SPATA22: variants seen among roughly 807,000 people sequenced by gnomAD.
SPATA22 encodes spermatogenesis associated 22, also known as spermatogenesis-associated protein 22.
Under a neutral mutation model 47.8 loss-of-function variants are expected in SPATA22, and 29 were observed. The observed-to-expected ratio is 0.61, with a 90% CI of 0.45 to 0.83. The LOEUF (loss-of-function observed/expected upper bound fraction) is 0.83, where lower values mean the gene tolerates loss of function less well. Ranked by LOEUF, SPATA22 falls within the 40% of genes least tolerant of loss-of-function variation. The pLI, the probability that SPATA22 is intolerant of heterozygous loss-of-function variation, is 0.00. For synonymous variants in SPATA22, 133 were observed against 140.9 expected (o/e 0.94, Z 0.40); for missense variants, 410 against 421.7 (o/e 0.97, Z 0.24).
At chr17:3,473,679 G>A (rs536578321), upstream of SPATA22, among the ~76,000 whole-genome samples, 1 of 152,220 alleles carries the variant, frequency 6.6e-6, no homozygotes, top group African/African-American at 2.4e-5. Context: ...TGTATTTTTA[G>A]TAGAGACGGG....
At chr17:3,451,667 C>T (rs370554765) in intron 5 of SPATA22, among the ~76,000 whole-genome samples, 76 of 152,082 alleles carry the variant, frequency 5.0e-4, no homozygotes, top group African/African-American at 1.8e-3. Flanking sequence ...TGGAAAAATT[C>T]GCCAGGCATG....
intron 7 of SPATA22, among the ~76,000 whole-genome samples, chr17:3,444,539 C>G (rs1367679894): frequency 1.3e-5 from 2 of 152,020 alleles, no homozygotes; most frequent in Non-Finnish European, 2.9e-5. Context: ...GAGTCAGAAG[C>G]TTCTGGAGAG....
intron 5 of SPATA22, among the ~76,000 whole-genome samples, chr17:3,459,406 T>A (rs1051706950): frequency 8.5e-5 from 13 of 152,166 alleles, no homozygotes; most frequent in Admixed American, 3.9e-4. Flanking sequence ...ATAATTTTTT[T>A]TAAAAAATAC....
intron 1 of SPATA22, among the ~76,000 whole-genome samples, chr17:3,483,052 T>C (rs1178580530): frequency 6.7e-6 from 1 of 150,284 alleles, no homozygotes; most frequent in Non-Finnish European, 1.5e-5. Flanking sequence ...GAGGCCTGTC[T>C]TCAATTTTCA....
At chr17:3,484,705 A>G (rs2073689634) in intron 1 of SPATA22, among the ~76,000 whole-genome samples, 1 of 152,240 alleles carries the variant, frequency 6.6e-6, no homozygotes, top group African/African-American at 2.4e-5. Context: ...AGCAATGTCA[A>G]ATTGCTATAA....
chr17:3,467,661 TGC>T, intron 2 of SPATA22, 107 bp from the exon 3 acceptor site: 5 of 776,880 alleles, frequency 6.4e-6, no homozygotes, highest in Non-Finnish European at 5.6e-6. Flanking sequence ...TACTTCTATA[TGC>T]TAATATACTT....
At position 3,490,948 on chromosome 17, in the gene SPATA22, C is replaced by A. The variant is rs2073814140; in HGVS notation, c.-73-21550G>T. ...GATTCGGCAAATCAAAAATTGTCAA[C>A]CACGATTAATTTAGACTATCCAGCT... is the stretch of plus-strand genomic sequence containing the variant. On this transcript the variant is annotated intron_variant, in intron 1 of 8. Transcript: ENST00000541913. The surrounding 1 kb of genome is among the most constrained non-coding windows in gnomAD (Gnocchi z 4.6). Among the ~76,000 whole-genome samples the A allele has an allele frequency of 6.6e-6, 1 of 152,116 alleles. No homozygotes were observed. The highest frequency in any genetic ancestry group is 2.4e-5 in the African/African-American group (1 of 41,430).
chr17:3,468,781 A>AAT (rs1253892294), intron 2 of SPATA22: 1 of 269,460 alleles, frequency 3.7e-6, no homozygotes, highest in African/African-American at 2.3e-5. Flanking sequence ...TAAATAAATT[A>AAT]ATATATATAA....
intron 1 of SPATA22, among the ~76,000 whole-genome samples, chr17:3,477,577 C>T (rs796674773): frequency 9.2e-5 from 14 of 152,066 alleles, no homozygotes; most frequent in African/African-American, 2.7e-4. Context: ...CTCAACCTCC[C>T]GAGTAGCTGG....
intron 1 of SPATA22, chr17:3,510,506 G>A (rs374514205): frequency 6.6e-6 from 1 of 152,152 alleles, no homozygotes; most frequent in South Asian, 2.1e-4. Context: ...TGGCCATAAC[G>A]AGGCAAAACA....
At chr17:3,509,108 T>C (rs887654515) in intron 1 of SPATA22, among the ~76,000 whole-genome samples, 1 of 152,040 alleles carries the variant, frequency 6.6e-6, no homozygotes, top group Admixed American at 6.6e-5. Context: ...TTATACCTTC[T>C]GTTCTCCAGG....
chr17:3,454,271 ATTG>A (rs1400041991), intron 5 of SPATA22, among the ~76,000 whole-genome samples: 1 of 150,516 alleles, frequency 6.6e-6, no homozygotes, highest in African/African-American at 2.4e-5. Context: ...AAGAATTGAT[ATTG>A]TTTTTTGTTT....
intron 1 of SPATA22, among the ~76,000 whole-genome samples, chr17:3,483,870 C>T (rs2073676099): frequency 6.6e-6 from 1 of 152,088 alleles, no homozygotes; most frequent in African/African-American, 2.4e-5. Context: ...TTAGCCAGGG[C>T]TGGCCTCAAA....
At chr17:3,491,314 T>C (rs887737000) in intron 1 of SPATA22, among the ~76,000 whole-genome samples, 1 of 152,148 alleles carries the variant, frequency 6.6e-6, no homozygotes, top group Admixed American at 6.5e-5. Flanking sequence ...GAGGTAATGG[T>C]CTTTTTTTTC....
In SPATA22 at chr17:3,490,469, G is replaced by C. The variant is rs919420272; in HGVS notation, c.-73-21071C>G. 6.6e-6 allele frequency among the ~76,000 whole-genome samples: 1 copy of C among 152,148 alleles called. No individual in the cohort carries two copies. The highest frequency in any genetic ancestry group is 1.5e-5 in the Non-Finnish European group (1 of 68,030). On this transcript the variant is annotated intron_variant, in intron 1 of 8. Coordinates refer to the SPATA22 transcript ENST00000541913. This position sits in a 1 kb window ranked among gnomAD's most constrained non-coding sequence, Gnocchi z 4.6. ...AGTTGAAATTGTTGTTGAGGAATGGGCAATTATAATAACAGAGGGGGTGTG... is the reference window on the plus strand; with the variant it reads ...AGTTGAAATTGTTGTTGAGGAATGGCCAATTATAATAACAGAGGGGGTGTG...
At chr17:3,447,431 A>G (rs1331672974) in intron 6 of SPATA22, among the ~76,000 whole-genome samples, 1 of 130,262 alleles carries the variant, frequency 7.7e-6, no homozygotes, top group Non-Finnish European at 1.8e-5. Context: ...CTTAACGAAG[A>G]TTCTAACATG....
In SPATA22 at chr17:3,460,792, CA is replaced by C. The variant is rs71379504; in HGVS notation, c.329+1690del. On this transcript the variant is annotated intron_variant, in intron 5 of 8. Transcript: ENST00000572969. ...TGGGCAACATGGCAAGATCCAGTCT[CA>C]AAAAAAAAAAAAAAAAAAAAAGATT... Among the ~76,000 whole-genome samples, 332 of 60,084 alleles carry C rather than the reference CA, an allele frequency of 5.5e-3. 1 individual carries two copies. The highest frequency in any genetic ancestry group is 0.023 in the African/African-American group (284 of 12,358). 39.4% of individuals were successfully genotyped at this position (60,084 alleles called of 152,430 possible).
chr17:3,447,547 C>CT (rs2072755486), intron 6 of SPATA22, among the ~76,000 whole-genome samples: 1 of 152,076 alleles, frequency 6.6e-6, no homozygotes, highest in South Asian at 2.1e-4. Context: ...GTGAAACATG[C>CT]TTTATTAATC....
chr17:3,449,209 T>C, intron 5 of SPATA22, 60 bp from the exon 6 acceptor site: 1 of 1,160,446 alleles, frequency 8.6e-7, no homozygotes, highest in Non-Finnish European at 1.2e-6. Flanking sequence ...ACAAAAAAAA[T>C]TAATAATGAA....
Sources: allele counts gnomAD v4.1 joint callset (sites outside exome capture counted in the v4.1 genomes callset), GRCh38; gene constraint gnomAD v4.1.1; non-coding constraint Gnocchi (gnomAD v3.1); transcripts MANE v1.5; gene names NCBI Gene and HGNC (gene_info 2026-07-23, HGNC 2026-07-21).